PDILT: variants seen among roughly 807,000 people sequenced by gnomAD.
PDILT encodes protein disulfide isomerase like, testis expressed.
Under a neutral mutation model 53.7 loss-of-function variants are expected in PDILT, and 43 were observed. The observed-to-expected ratio is 0.80, with a 90% CI of 0.63 to 1.03. The LOEUF (loss-of-function observed/expected upper bound fraction) is 1.03, where lower values mean the gene tolerates loss of function less well. Ranked by LOEUF, PDILT falls within the 50% of genes least tolerant of loss-of-function variation. PDILT has a pLI of 0.00. For missense variants in PDILT, 727 were observed against 712.3 expected (o/e 1.02, Z -0.24); for synonymous variants, 282 against 274.2 (o/e 1.03, Z -0.28).
At position 20,359,182 on chromosome 16, in the gene PDILT, A is replaced by G. The variant is rs1596574154; in HGVS notation, c.*137T>C. 2 of 1,389,930 alleles carry G rather than the reference A, an allele frequency of 1.4e-6. No homozygotes were observed. Among genetic ancestry groups the G allele is most frequent in the Non-Finnish European group, 1.9e-6 (2 of 1,031,402 alleles). The allele number at this position is 1,389,930 out of a possible 1,614,324, so 86.1% of individuals were successfully genotyped here. A position where few individuals can be genotyped will look rare whatever the true frequency, so the allele number is the denominator to read the frequency against. On this transcript the variant is annotated 3_prime_UTR_variant, in exon 12 of 12. Transcript: ENST00000302451. Reference sequence around the variant, plus strand: ...GAGTAAAACAGAGCCAAGGACACTCAGAGGCTTTATTATCCACCCCTACCC... The same window carrying G: ...GAGTAAAACAGAGCCAAGGACACTCGGAGGCTTTATTATCCACCCCTACCC...
At chr16:20,395,457 C>T (rs559226292) in intron 2 of PDILT, among the ~76,000 whole-genome samples, 1 of 152,228 alleles carries the variant, frequency 6.6e-6, no homozygotes, top group South Asian at 2.1e-4. Flanking sequence ...CATCTTGTGA[C>T]CATCAGTTTT....
chr16:20,365,313 G>A, intron 9 of PDILT, 107 bp downstream of exon 9: 2 of 1,250,342 alleles, frequency 1.6e-6, no homozygotes, highest in Non-Finnish European at 2.3e-6. Flanking sequence ...TCCTTGGCAT[G>A]GTGCATTGAT....
intron 8 of PDILT, among the ~76,000 whole-genome samples, chr16:20,367,579 G>T (rs576269830): frequency 6.6e-6 from 1 of 152,238 alleles, no homozygotes; most frequent in Admixed American, 6.5e-5. Flanking sequence ...CGAGGGAGAC[G>T]GACACCACCT....
intron 2 of PDILT, among the ~76,000 whole-genome samples, chr16:20,388,135 T>C (rs1038980836): frequency 6.6e-6 from 1 of 152,138 alleles, no homozygotes; most frequent in South Asian, 2.1e-4. Flanking sequence ...CATAGGATTA[T>C]GTAGGATCTT....
chr16:20,377,886 G>A (rs1247130293), intron 3 of PDILT, among the ~76,000 whole-genome samples: 4 of 152,090 alleles, frequency 2.6e-5, no homozygotes, highest in African/African-American at 9.7e-5. Context: ...CCCAGGAGGT[G>A]GAGGTTGCAG....
intron 2 of PDILT, among the ~76,000 whole-genome samples, chr16:20,396,856 G>A (rs1412684680): frequency 1.3e-5 from 2 of 151,998 alleles, no homozygotes; most frequent in Non-Finnish European, 2.9e-5. Flanking sequence ...AGCTGCATAA[G>A]TGTGGGGTGA....
chr16:20,386,781 C>G (rs1191201833), intron 2 of PDILT, among the ~76,000 whole-genome samples: 1 of 152,246 alleles, frequency 6.6e-6, no homozygotes, highest in South Asian at 2.1e-4. Context: ...CCATGGGGCT[C>G]TCCCCGGCTT....
chr16:20,370,357 G>T (rs1966286196), intron 7 of PDILT, among the ~76,000 whole-genome samples: 1 of 152,160 alleles, frequency 6.6e-6, no homozygotes, highest in African/African-American at 2.4e-5. Context: ...ATAAAACAGG[G>T]CAATGTGATA....
intron 3 of PDILT, among the ~76,000 whole-genome samples, chr16:20,381,076 G>T (rs1966454937): frequency 6.6e-6 from 1 of 152,190 alleles, no homozygotes; most frequent in Non-Finnish European, 1.5e-5. Flanking sequence ...ACAGACTGTG[G>T]CTGCATCATT....
Position 20,369,652 on chromosome 16 carries a change from T to C in PDILT, c.956A>G (p.Asn319Ser), listed in dbSNP as rs1454677861. The C allele has an allele frequency of 6.2e-7, 1 of 1,614,198 alleles. No individual in the cohort carries two copies. The highest frequency in any genetic ancestry group is 2.2e-5 in the East Asian group (1 of 44,896). Residue 319 changes from asparagine (N) to serine (S), a missense_variant, in exon 8 of 12, where the codon AAT becomes AGT. Transcript: ENST00000302451. ...CCGGAAGTACTTGAAGACACGTCCA[T>C]TTCTGGGTTCGTCTGCATCCACAAG... is the stretch of plus-strand genomic sequence containing the variant. ...FILVDADEPR[N>S]GRVFKYFRVT...
chr16:20,397,363 GA>G (rs1966674450), intron 2 of PDILT, among the ~76,000 whole-genome samples: 1 of 152,070 alleles, frequency 6.6e-6, no homozygotes, highest in Non-Finnish European at 1.5e-5. Context: ...GCTGGTTCTT[GA>G]ACACTTGAGC....
rs1482931308 is a variant in PDILT at position 20,359,365 on chromosome 16, C to G, written c.1709G>C (p.Gly570Ala). 1.2e-6 allele frequency: 2 copies of G among 1,614,162 alleles called. No homozygotes were observed. Among genetic ancestry groups the G allele is most frequent in the African/African-American group, 1.3e-5 (1 of 75,050 alleles). The part of the protein sequence containing the change: ...EVVVVVAKPK[G>A]PPVQKKKPKV... ...TGGTTTCTTCTTTTGCACTGGAGGT[C>G]CCTTTGGCTTAGCCACCACCACCAC... Residue 570 changes from glycine to alanine, a missense_variant, in exon 12 of 12, where the codon GGA becomes GCA. Physicochemically the swap from Gly to Ala is moderately conservative, Grantham distance 60. Transcript: ENST00000302451.
rs761285488 is a variant in PDILT at position 20,359,526 on chromosome 16, C to T, written c.1548G>A (p.Val516=). 4 of 1,614,124 alleles carry T rather than the reference C, an allele frequency of 2.5e-6. No individual in the cohort carries two copies. Among genetic ancestry groups the T allele is most frequent in the Non-Finnish European group, 3.4e-6 (4 of 1,180,004 alleles). Residue 516 remains valine (V), a synonymous_variant, in exon 12 of 12, where the codon GTG becomes GTA. Coordinates refer to ENST00000302451, the MANE Select transcript of PDILT (RefSeq NM_174924.2). ...TAGGCACCTCCTTTTCCTCAGCTAG[C>T]ACTTCCTCTTCTATCACTTCATTTT... is the stretch of plus-strand genomic sequence containing the variant. The part of the protein sequence containing the change: ...VEQNEVIEEE[V]LAEEKEVPMM...
At chr16:20,375,399 G>C (rs921113462) in intron 4 of PDILT, among the ~76,000 whole-genome samples, 1 of 152,174 alleles carries the variant, frequency 6.6e-6, no homozygotes, top group African/African-American at 2.4e-5. Flanking sequence ...GTGAGGGAGA[G>C]AGGCAGATAG....
chr16:20,385,271 G>T (rs903397353), intron 2 of PDILT, among the ~76,000 whole-genome samples: 1 of 152,186 alleles, frequency 6.6e-6, no homozygotes, highest in Non-Finnish European at 1.5e-5. Context: ...AACTCTGTGG[G>T]ATAGGTATTA....
At chr16:20,369,802 G>T in intron 7 of PDILT, 113 bp from the exon 8 acceptor site, 1 of 1,054,824 alleles carries the variant, frequency 9.5e-7, no homozygotes, top group Non-Finnish European at 1.4e-6. Context: ...GAGCACCTCT[G>T]CAAAATGTAA....
intron 1 of PDILT, among the ~76,000 whole-genome samples, chr16:20,400,028 A>C (rs1567333420): frequency 8.6e-6 from 1 of 116,002 alleles, no homozygotes; most frequent in African/African-American, 3.7e-5. Context: ...CTATCTATCT[A>C]TCTATCTATC....
intron 3 of PDILT, among the ~76,000 whole-genome samples, chr16:20,376,793 A>G (rs1267319955): frequency 6.6e-6 from 1 of 152,164 alleles, no homozygotes; most frequent in African/African-American, 2.4e-5. Context: ...GGTTGGTGTC[A>G]AGCACACAAA....
chr16:20,400,664 C>A (rs989246365), intron 1 of PDILT, among the ~76,000 whole-genome samples: 1 of 152,000 alleles, frequency 6.6e-6, no homozygotes, highest in Non-Finnish European at 1.5e-5. Context: ...GTACAAGGTA[C>A]CCCCAAGGTA....
Sources: gnomAD v4.1 joint callset for allele counts (sites outside exome capture counted in the v4.1 genomes callset) on GRCh38, gnomAD v4.1.1 for gene constraint, MANE v1.5 for transcripts, NCBI Gene and HGNC (gene_info 2026-07-23, HGNC 2026-07-21) for gene names.